The following AGPAT5 variants were observed in gnomAD, a reference collection of about 807,000 sequenced individuals.
AGPAT5 encodes the protein 1-acyl-sn-glycerol-3-phosphate acyltransferase epsilon.
In AGPAT5, 46 loss-of-function variants were observed where a neutral mutation model predicts 45.6. That is an observed-to-expected ratio of 1.01 (90% confidence interval 0.80 to 1.29). The LOEUF (loss-of-function observed/expected upper bound fraction) is 1.29. AGPAT5 is among the 50% of genes most tolerant of loss of function. The pLI, the probability that AGPAT5 is intolerant of heterozygous loss-of-function variation, is 0.00. For missense variants in AGPAT5, 673 were observed against 450.7 expected (o/e 1.49, Z -4.47); for synonymous variants, 272 against 167.0 (o/e 1.63, Z -4.85).
In AGPAT5 at chr8:6,759,993, C is replaced by T. The variant is rs954790633; in HGVS notation, c.*2605C>T. On this transcript the variant is annotated 3_prime_UTR_variant, in exon 8 of 8. Transcript: ENST00000285518. Reference sequence around the variant, plus strand: ...AGTGCCGATCTGGCTAACTCTTACACCATACATACTGATAGTTTTTCATAT... The same window carrying T: ...AGTGCCGATCTGGCTAACTCTTACATCATACATACTGATAGTTTTTCATAT... Among the ~76,000 whole-genome samples, 9 of 152,170 alleles carry T rather than the reference C, an allele frequency of 5.9e-5. No individual in the cohort carries two copies. The highest frequency in any genetic ancestry group is 1.2e-4 in the Non-Finnish European group (8 of 68,030).
intron 1 of AGPAT5, among the ~76,000 whole-genome samples, chr8:6,713,024 C>T (rs1800203414): frequency 6.6e-6 from 1 of 152,210 alleles, no homozygotes; most frequent in Non-Finnish European, 1.5e-5. Flanking sequence ...TCAGGGTCTT[C>T]TTCTGTCACC....
chr8:6,736,914 C>G (rs1176974261), intron 4 of AGPAT5, among the ~76,000 whole-genome samples: 2 of 152,212 alleles, frequency 1.3e-5, no homozygotes, highest in Non-Finnish European at 2.9e-5. Flanking sequence ...TCTTATGAGT[C>G]TTGTAAATCA....
At chr8:6,723,266 G>A (rs947278018) in intron 1 of AGPAT5, among the ~76,000 whole-genome samples, 3 of 152,174 alleles carry the variant, frequency 2.0e-5, no homozygotes, top group Non-Finnish European at 4.4e-5. Context: ...AGTCCCTAAG[G>A]GGCTGGGGAC....
chr8:6,718,085 G>T (rs1161447033), intron 1 of AGPAT5, among the ~76,000 whole-genome samples: 1 of 152,120 alleles, frequency 6.6e-6, no homozygotes, highest in Admixed American at 6.5e-5. Flanking sequence ...GAGATAATAC[G>T]TGAAACTGCC....
intron 4 of AGPAT5, 48 bp from the exon 5 acceptor site, chr8:6,741,613 A>C (rs936440900): frequency 7.3e-7 from 1 of 1,374,494 alleles, no homozygotes; most frequent in Non-Finnish European, 1.0e-6. Flanking sequence ...AACAATAACA[A>C]AAACAAAGCT....
chr8:6,752,993 T>C (rs1801707553), intron 6 of AGPAT5, among the ~76,000 whole-genome samples: 1 of 152,182 alleles, frequency 6.6e-6, no homozygotes, highest in African/African-American at 2.4e-5. Context: ...CGCTGGGCCT[T>C]GGTCGTCTCT....
In AGPAT5 at chr8:6,746,964, C is replaced by G. The variant is rs568117124; in HGVS notation, c.587-706C>G. Among the ~76,000 whole-genome samples the G allele has an allele frequency of 2.1e-3, 320 of 152,178 alleles. 2 individuals are homozygous for G. The highest frequency in any genetic ancestry group is 7.4e-3 in the African/African-American group (309 of 41,506). On this transcript the variant is annotated intron_variant, in intron 5 of 7. Coordinates refer to ENST00000285518, the MANE Select transcript of AGPAT5 (RefSeq NM_018361.5). ...TTTGTTCTGGATAATTGCAGTAGTC[C>G]CCCAGCTAAAGAACCTTTTAAAAAT...
intron 1 of AGPAT5, among the ~76,000 whole-genome samples, chr8:6,722,217 C>T (rs1056197701): frequency 3.0e-4 from 45 of 152,118 alleles, no homozygotes; most frequent in African/African-American, 8.9e-4. Flanking sequence ...TATCACCTTT[C>T]CACAGGGAAA....
At chr8:6,752,326 G>C (rs1801683116) in intron 6 of AGPAT5, among the ~76,000 whole-genome samples, 1 of 152,102 alleles carries the variant, frequency 6.6e-6, no homozygotes, top group Admixed American at 6.5e-5. Context: ...TTTTTATAAT[G>C]TCTATATGTT....
chr8:6,751,560 C>T (rs1316174223), intron 6 of AGPAT5, among the ~76,000 whole-genome samples: 2 of 152,196 alleles, frequency 1.3e-5, no homozygotes, highest in Non-Finnish European at 2.9e-5. Flanking sequence ...CCAGTAGTGT[C>T]CCTTGTCCTT....
chr8:6,739,599 C>G (rs1490385661), intron 4 of AGPAT5, among the ~76,000 whole-genome samples: 1 of 152,010 alleles, frequency 6.6e-6, no homozygotes, highest in Admixed American at 6.6e-5. Flanking sequence ...ATATATTTGA[C>G]TTTTTAATAT....
chr8:6,747,273 C>G (rs994471579), intron 5 of AGPAT5, among the ~76,000 whole-genome samples: 1 of 152,234 alleles, frequency 6.6e-6, no homozygotes, highest in Non-Finnish European at 1.5e-5. Context: ...AAGCCAGAAA[C>G]AGGAGGCCAT....
intron 6 of AGPAT5, among the ~76,000 whole-genome samples, chr8:6,753,990 G>A (rs1033529055): frequency 4.6e-5 from 7 of 152,340 alleles, no homozygotes; most frequent in African/African-American, 9.6e-5. Context: ...GGACGGTGGA[G>A]TGTAGAATTC....
At chr8:6,711,581 T>G (rs949461263) in intron 1 of AGPAT5, among the ~76,000 whole-genome samples, 1 of 152,224 alleles carries the variant, frequency 6.6e-6, no homozygotes, top group African/African-American at 2.4e-5. Context: ...GAGGCATTGA[T>G]TCAAGTACCT....
At position 6,760,249 on chromosome 8, in the gene AGPAT5, C is replaced by A. The variant is rs959726274; in HGVS notation, c.*2861C>A. Among the ~76,000 whole-genome samples the A allele has an allele frequency of 3.9e-5, 6 of 152,078 alleles. No homozygotes were observed. The highest frequency in any genetic ancestry group is 2.0e-4 in the Admixed American group (3 of 15,268). ...TACAAAAAAATTAAAAAAAATTAGC[C>A]AGGCATGGTGGCGTACACTGAGTAG... On this transcript the variant is annotated 3_prime_UTR_variant, in exon 8 of 8. Coordinates refer to ENST00000285518, the MANE Select transcript of AGPAT5 (RefSeq NM_018361.5).
rs950777033 is a variant in AGPAT5 at position 6,711,493 on chromosome 8, A to G, written c.219+2606A>G. Among the ~76,000 whole-genome samples, 4 of 152,358 alleles carry G rather than the reference A, an allele frequency of 2.6e-5. No individual in the cohort carries two copies. The South Asian group carries it at 8.3e-4, about 32-fold the overall frequency. On this transcript the variant is annotated intron_variant, in intron 1 of 7. Coordinates refer to ENST00000285518, the MANE Select transcript of AGPAT5 (RefSeq NM_018361.5). Reference sequence around the variant, plus strand: ...CATTTATTTCTTTAGAATAAGTAATAAGAATTTTATAAGCTTTTTTATATT... The same window carrying G: ...CATTTATTTCTTTAGAATAAGTAATGAGAATTTTATAAGCTTTTTTATATT...
chr8:6,722,984 G>T (rs1800558775), intron 1 of AGPAT5, among the ~76,000 whole-genome samples: 1 of 152,188 alleles, frequency 6.6e-6, no homozygotes, highest in Non-Finnish European at 1.5e-5. Context: ...TTATTTTGAA[G>T]TGACAAATTA....
intron 2 of AGPAT5, among the ~76,000 whole-genome samples, chr8:6,725,794 A>C (rs1302194231): frequency 6.6e-6 from 1 of 152,228 alleles, no homozygotes; most frequent in Non-Finnish European, 1.5e-5. Flanking sequence ...AGCCTGATCA[A>C]TATAGTACTC....
rs1228555686 is a variant in AGPAT5 at position 6,741,754 on chromosome 8, A to T, written c.586+3A>T. On this transcript the variant is annotated splice_donor_region_variant and intron_variant, in intron 5 of 7. Coordinates refer to ENST00000285518, the MANE Select transcript of AGPAT5 (RefSeq NM_018361.5). ...TCAGGCATTTGCTGCCCAACGTGGTAAGTAAAAATTTGAGTGTTTGAACAA... is the reference window on the plus strand; with the variant it reads ...TCAGGCATTTGCTGCCCAACGTGGTTAGTAAAAATTTGAGTGTTTGAACAA... The T allele has an allele frequency of 1.2e-6, 2 of 1,607,580 alleles. No homozygotes were observed. The highest frequency in any genetic ancestry group is 1.7e-6 in the Non-Finnish European group (2 of 1,175,710).
Sources: gnomAD v4.1 joint callset for allele counts (sites outside exome capture counted in the v4.1 genomes callset) on GRCh38, gnomAD v4.1.1 for gene constraint, MANE v1.5 for transcripts, NCBI Gene and HGNC (gene_info 2026-07-23, HGNC 2026-07-21) for gene names.